The following TMEFF2 variants were observed in gnomAD, a reference collection of about 807,000 sequenced individuals.
The protein encoded by TMEFF2 is tomoregulin-2.
A neutral mutation model predicts 53.8 loss-of-function variants in TMEFF2; 28 were observed. That is an observed-to-expected ratio of 0.52 (90% CI 0.39 to 0.71). TMEFF2 has a LOEUF of 0.71. TMEFF2 is among the 30% of genes least tolerant of loss of function. TMEFF2 has a pLI of 0.00. For synonymous variants in TMEFF2, 162 were observed against 166.3 expected (o/e 0.97, Z 0.20); for missense variants, 353 against 455.2 (o/e 0.78, Z 2.04).
intron 7 of TMEFF2, among the ~76,000 whole-genome samples, chr2:191,997,538 T>C (rs983938774): frequency 6.6e-6 from 1 of 151,554 alleles, no homozygotes; most frequent in African/African-American, 2.4e-5. Flanking sequence ...CACATATCAT[T>C]ATCAACCTAT....
chr2:192,000,431 A>G (rs76172950), intron 5 of TMEFF2, among the ~76,000 whole-genome samples: 1,577 of 152,302 alleles, frequency 0.01, 30 homozygotes, highest in African/African-American at 0.036. Flanking sequence ...GGTCCCACTC[A>G]TAGATTTGTT....
intron 6 of TMEFF2, among the ~76,000 whole-genome samples, 162 bp from the exon 7 acceptor site, chr2:191,998,483 A>G (rs1477057884): frequency 6.6e-6 from 1 of 151,958 alleles, no homozygotes. Context: ...TACAATGTCA[A>G]TTTCTGTCTG....
chr2:192,169,633 T>C (rs1440689353), intron 4 of TMEFF2, among the ~76,000 whole-genome samples: 3 of 152,100 alleles, frequency 2.0e-5, no homozygotes, highest in African/African-American at 4.8e-5. Context: ...AAGTATGGAA[T>C]TGGGGAGGCC....
chr2:192,193,753 TAGATAGATAGAGAG>T lies in TMEFF2; in HGVS notation c.172+586_172+599del, dbSNP rs1351403823. On this transcript the variant is annotated intron_variant, in intron 1 of 9. Coordinates refer to ENST00000272771, the MANE Select transcript of TMEFF2 (RefSeq NM_016192.4). ...GAAGGGAATGAGAGAGAGAGAGAGA[TAGATAGATAGAGAG>T]AGAGAGAGAGAGAGAGAGAGAGAGA... Among the ~76,000 whole-genome samples, 764 of 122,726 alleles carry T rather than the reference TAGATAGATAGAGAG, an allele frequency of 6.2e-3. 37 individuals are homozygous for T. The highest frequency in any genetic ancestry group is 0.012 in the African/African-American group (370 of 31,186). The allele number at this position is 122,726 out of a possible 152,430, so 80.5% of individuals were successfully genotyped here. A position where few individuals can be genotyped will look rare whatever the true frequency, so the allele number is the denominator to read the frequency against.
intron 7 of TMEFF2, among the ~76,000 whole-genome samples, chr2:191,959,627 T>TGTGC (rs1692213329): frequency 1.3e-5 from 2 of 151,670 alleles, no homozygotes; most frequent in South Asian, 4.2e-4. Context: ...TATGTACATG[T>TGTGC]GTGTGTATGT....
chr2:192,073,121 G>A (rs1470246569), intron 4 of TMEFF2, among the ~76,000 whole-genome samples: 1 of 151,956 alleles, frequency 6.6e-6, no homozygotes, highest in Admixed American at 6.6e-5. Context: ...GATGGTTGAG[G>A]TAGTGATTTC....
intron 7 of TMEFF2, among the ~76,000 whole-genome samples, chr2:191,990,891 A>G (rs910117336): frequency 4.6e-5 from 7 of 152,008 alleles, no homozygotes; most frequent in African/African-American, 1.7e-4. Context: ...TTAAATAATG[A>G]ATATTTAGGT....
In TMEFF2 at chr2:191,953,943, G is replaced by A; in HGVS notation, c.870-106C>T. On this transcript the variant is annotated intron_variant, in intron 8 of 9. Coordinates refer to ENST00000272771, the MANE Select transcript of TMEFF2 (RefSeq NM_016192.4). ...CTCGCTCTGTCGCCCAGGCTGGAGT[G>A]CAGTGGCGCATCTCGGCTCACTGCA... is the stretch of plus-strand genomic sequence containing the variant. The A allele has an allele frequency of 5.1e-6, 5 of 985,484 alleles. No individual in the cohort carries two copies. The South Asian group carries it at 8.2e-5, about 16-fold the overall frequency. 61.0% of individuals were successfully genotyped at this position (985,484 alleles called of 1,614,324 possible).
intron 4 of TMEFF2, among the ~76,000 whole-genome samples, chr2:192,103,865 GAT>G (rs1317094569): frequency 1.3e-5 from 2 of 151,730 alleles, no homozygotes; most frequent in Non-Finnish European, 2.9e-5. Flanking sequence ...GAAAAAGAAA[GAT>G]AGTGCTACGA....
In TMEFF2 at chr2:191,949,052, G is replaced by A. The variant is rs1691785564; in HGVS notation, c.*1259C>T. 3 of 983,148 alleles carry A rather than the reference G, an allele frequency of 3.1e-6. No homozygotes were observed. In the African/African-American group the frequency reaches 5.3e-5, roughly 17 times the overall value. 60.9% of individuals were successfully genotyped at this position (983,148 alleles called of 1,614,324 possible). On this transcript the variant is annotated 3_prime_UTR_variant, in exon 10 of 10. Coordinates refer to ENST00000272771, the MANE Select transcript of TMEFF2 (RefSeq NM_016192.4). ...AAAGTCCACGCACAGGTTATTTGAA[G>A]GAGACAAAGAGAGCTTTATTTAAAT...
Position 191,958,285 on chromosome 2 carries a change from C to T in TMEFF2, c.746-1907G>A, listed in dbSNP as rs143332536. 8.5e-3 allele frequency among the ~76,000 whole-genome samples: 1,299 copies of T among 152,234 alleles called. 29 individuals carry two copies. The highest frequency in any genetic ancestry group is 7.5e-3 in the Non-Finnish European group (507 of 68,014). ...GACCTTCTTCCCATAACAAACTATT[C>T]GACACTTCTATGGTTCATTAATAAC... On this transcript the variant is annotated intron_variant, in intron 7 of 9. Coordinates refer to ENST00000272771, the MANE Select transcript of TMEFF2 (RefSeq NM_016192.4).
At chr2:192,053,157 T>C (rs1687814048) in intron 5 of TMEFF2, among the ~76,000 whole-genome samples, 1 of 152,208 alleles carries the variant, frequency 6.6e-6, no homozygotes, top group Non-Finnish European at 1.5e-5. Context: ...AGCATTAAAA[T>C]GTTATGTCAT....
At chr2:192,165,544 TAC>T (rs1260117847) in intron 4 of TMEFF2, among the ~76,000 whole-genome samples, 1 of 152,144 alleles carries the variant, frequency 6.6e-6, no homozygotes, top group South Asian at 2.1e-4. Context: ...GTCATACAAA[TAC>T]ACACACACAT....
At chr2:192,170,045 T>G (rs1366248817) in intron 4 of TMEFF2, among the ~76,000 whole-genome samples, 2 of 152,246 alleles carry the variant, frequency 1.3e-5, no homozygotes, top group South Asian at 2.1e-4. Flanking sequence ...TAATTATATT[T>G]TAAAATAACA....
At position 192,184,439 on chromosome 2, in the gene TMEFF2, GCT is replaced by G; in HGVS notation, c.325_326del (p.Ser109LeufsTer4). On this transcript the variant is annotated frameshift_variant, in exon 3 of 10. Coordinates refer to ENST00000272771, the MANE Select transcript of TMEFF2 (RefSeq NM_016192.4). LOFTEE classifies it high-confidence loss of function. ...YVPVCGSNGE[S>X]YQNECYLRQA... ...GTCGCAGGTAACACTCATTCTGGTA[GCT>G]CTCCCCATTGGAGCCACACACAGGC... 1 of 1,613,362 alleles carries G rather than the reference GCT, an allele frequency of 6.2e-7. No homozygotes were observed. Among genetic ancestry groups the G allele is most frequent in the South Asian group, 1.1e-5 (1 of 91,068 alleles).
intron 7 of TMEFF2, among the ~76,000 whole-genome samples, chr2:191,991,162 A>G (rs1310339213): frequency 1.3e-5 from 2 of 152,078 alleles, no homozygotes; most frequent in African/African-American, 2.4e-5. Context: ...CTGAAAACTT[A>G]TAAATAAGTA....
At chr2:192,184,301 G>T in intron 3 of TMEFF2, 53 bp downstream of exon 3, 1 of 1,595,384 alleles carries the variant, frequency 6.3e-7, no homozygotes, top group Non-Finnish European at 8.6e-7. Context: ...GAAAGACATG[G>T]TTTTTGGATT....
intron 4 of TMEFF2, among the ~76,000 whole-genome samples, chr2:192,146,143 G>A (rs1690246097): frequency 6.6e-6 from 1 of 151,894 alleles, no homozygotes; most frequent in Non-Finnish European, 1.5e-5. Flanking sequence ...CTGACATCCT[G>A]CCACCATGCT....
At position 191,964,384 on chromosome 2, in the gene TMEFF2, TTC is replaced by T. The variant is rs1408141974; in HGVS notation, c.746-8008_746-8007del. The stretch of plus-strand genomic sequence containing the variant: ...TCTTTCTTTCTTTCTCTTTCTTTCT[TTC>T]TTTCTTTCTTTCTCTTTCTTTCTTT... On this transcript the variant is annotated intron_variant, in intron 7 of 9. Transcript: ENST00000272771. Among the ~76,000 whole-genome samples the T allele has an allele frequency of 4.9e-3, 199 of 40,982 alleles. 3 individuals are homozygous for T. The highest frequency in any genetic ancestry group is 0.015 in the African/African-American group (189 of 12,198). The allele number at this position is 40,982 out of a possible 152,430, so 26.9% of individuals were successfully genotyped here.
Sources: gnomAD v4.1 joint callset for allele counts (sites outside exome capture counted in the v4.1 genomes callset) on GRCh38, gnomAD v4.1.1 for gene constraint, MANE v1.5 for transcripts, NCBI Gene and HGNC (gene_info 2026-07-23, HGNC 2026-07-21) for gene names.